The following NLRC5 variants were observed in gnomAD, a reference collection of about 807,000 sequenced individuals.
NLRC5 encodes the protein protein NLRC5.
In NLRC5, 114 loss-of-function variants were observed where a neutral mutation model predicts 206.9. That is an observed-to-expected ratio of 0.55 (90% CI 0.47 to 0.64). The LOEUF (loss-of-function observed/expected upper bound fraction) is 0.64. Among genes scored for constraint, NLRC5 ranks in the 30% least tolerant of loss-of-function variants. The pLI is 0.00. For synonymous variants in NLRC5, 952 were observed against 962.8 expected, an observed-to-expected ratio of 0.99 and a Z score of 0.21; for missense variants, 2,008 against 2,305.5, an observed-to-expected ratio of 0.87 and a Z score of 2.64.
Position 57,067,827 on chromosome 16 carries a change from C to T in NLRC5, c.4498C>T (p.Arg1500Trp), listed in dbSNP as rs772554645. The change falls in exon 36 of 49, where the codon CGG becomes TGG. Residue 1500 changes from arginine (R) to tryptophan (W), a missense_variant and splice_region_variant. Arg to Trp is a moderately radical substitution (Grantham distance 101). Coordinates refer to ENST00000688547, the MANE Select transcript of NLRC5 (RefSeq NM_001384950.1). ...GTCCCTCTCTGAGCTGAAGACATTT[C>T]GGTATGTAGACAAGACATTCACTCA... is the stretch of plus-strand genomic sequence containing the variant. ...LLSLSELKTF[R>W]LTSSCVSTEG... is the part of the protein sequence containing the mutation. 22 of 1,612,614 alleles carry T rather than the reference C, an allele frequency of 1.4e-5. No homozygotes were observed. The highest frequency in any genetic ancestry group is 1.8e-5 in the Non-Finnish European group (21 of 1,178,592).
At chr16:56,995,446 C>A (rs2057484511) in intron 1 of NLRC5, among the ~76,000 whole-genome samples, 1 of 152,238 alleles carries the variant, frequency 6.6e-6, no homozygotes, top group Non-Finnish European at 1.5e-5. Flanking sequence ...AGGCTCAATC[C>A]TCAAAGTGGA....
At chr16:57,056,820 G>C (rs2065733439) in intron 27 of NLRC5, among the ~76,000 whole-genome samples, 2 of 151,866 alleles carry the variant, frequency 1.3e-5, no homozygotes, top group Admixed American at 1.3e-4. Flanking sequence ...CACCATGCCT[G>C]GCTAATTTTG....
chr16:57,013,511 T>C, intron 1 of NLRC5: 3 of 789,926 alleles, frequency 3.8e-6, no homozygotes, highest in East Asian at 2.4e-5. Flanking sequence ...ATTGGCTGCT[T>C]GTGCTTTCAT....
intron 32 of NLRC5, among the ~76,000 whole-genome samples, chr16:57,064,485 C>T (rs1298093373): frequency 2.0e-5 from 3 of 152,210 alleles, no homozygotes; most frequent in African/African-American, 7.2e-5. Flanking sequence ...ATGTTTTCCA[C>T]ACATCTCTCT....
intron 1 of NLRC5, among the ~76,000 whole-genome samples, chr16:56,997,246 C>T (rs138413731): frequency 1.3e-5 from 2 of 152,192 alleles, no homozygotes; most frequent in African/African-American, 2.4e-5. Flanking sequence ...ATGCAGGAAA[C>T]GTGCCTGGAA....
chr16:57,017,582 C>T (rs1309451521), intron 2 of NLRC5, among the ~76,000 whole-genome samples: 3 of 152,144 alleles, frequency 2.0e-5, no homozygotes, highest in African/African-American at 7.2e-5. Context: ...TGTGGATTGA[C>T]TGGGATTGCT....
At position 57,074,495 on chromosome 16, in the gene NLRC5, T is replaced by G. The variant is rs992258954; in HGVS notation, c.4668-105T>G. On this transcript the variant is annotated intron_variant, in intron 38 of 48. Coordinates refer to ENST00000688547, the MANE Select transcript of NLRC5 (RefSeq NM_001384950.1). ...TTTACACTGTGTGGATATAAGTGGC[T>G]GTCTTGGAGGTCCCTAGGCTTGCTA... 1.9e-5 allele frequency: 17 copies of G among 898,926 alleles called. No individual in the cohort carries two copies. In the Middle Eastern group the frequency reaches 7.0e-4, roughly 37 times the overall value. 55.7% of individuals were successfully genotyped at this position (898,926 alleles called of 1,614,324 possible).
At chr16:57,075,435 G>T (rs1243372274) in intron 39 of NLRC5, among the ~76,000 whole-genome samples, 1 of 152,126 alleles carries the variant, frequency 6.6e-6, no homozygotes, top group Non-Finnish European at 1.5e-5. Flanking sequence ...GGTCAGGCTG[G>T]TCTTGAACGT....
At chr16:57,055,581 G>T in intron 27 of NLRC5, 62 bp downstream of exon 27, 7 of 1,337,446 alleles carry the variant, frequency 5.2e-6, no homozygotes, top group South Asian at 1.2e-5. Flanking sequence ...GGCACTGAAG[G>T]GGGTATGAGG....
At chr16:57,007,152 A>G (rs1172139668) in intron 1 of NLRC5, among the ~76,000 whole-genome samples, 1 of 152,162 alleles carries the variant, frequency 6.6e-6, no homozygotes, top group East Asian at 1.9e-4. Context: ...CTTTCCCAGC[A>G]GGCCCAGATC....
At position 57,082,693 on chromosome 16, in the gene NLRC5, T is replaced by A; in HGVS notation, c.*165T>A. On this transcript the variant is annotated 3_prime_UTR_variant, in exon 49 of 49. Coordinates refer to ENST00000688547, the MANE Select transcript of NLRC5 (RefSeq NM_001384950.1). Reference sequence around the variant, plus strand: ...TCCTGCTGCAGTCCTCAGGGAGAACTTTTTTGGGAACCAGGAGCTGGGTCT... The same window carrying A: ...TCCTGCTGCAGTCCTCAGGGAGAACATTTTTGGGAACCAGGAGCTGGGTCT... The A allele has an allele frequency of 1.8e-6, 1 of 568,030 alleles. No individual in the cohort carries two copies. Among genetic ancestry groups the A allele is most frequent in the Non-Finnish European group, 3.1e-6 (1 of 321,700 alleles). 35.2% of individuals were successfully genotyped at this position (568,030 alleles called of 1,614,324 possible). A position where few individuals can be genotyped will look rare whatever the true frequency, so the allele number is the denominator to read the frequency against.
Position 57,023,765 on chromosome 16 carries a change from CCCTT to C in NLRC5, c.356-15_356-12del. ...AGATCCCCAGACCCCACTCCTCCAC[CCCTT>C]CCTTTGCTTTTTCAGGCCTGAAGCG... is the stretch of plus-strand genomic sequence containing the variant. On this transcript the variant is annotated splice_polypyrimidine_tract_variant and intron_variant, in intron 4 of 48. Transcript: ENST00000688547. 1 of 1,604,942 alleles carries C rather than the reference CCCTT, an allele frequency of 6.2e-7. No homozygotes were observed. The highest frequency in any genetic ancestry group is 8.5e-7 in the Non-Finnish European group (1 of 1,174,730).
chr16:57,013,556 T>C, intron 1 of NLRC5: 1 of 1,051,706 alleles, frequency 9.5e-7, no homozygotes, highest in Non-Finnish European at 1.5e-6. Context: ...AGTCGAGAGA[T>C]GCTGCAGAAT....
Position 57,051,915 on chromosome 16 carries a change from C to T in NLRC5, c.3506+294C>T, listed in dbSNP as rs28386939. ...ACAAATGGGATTAATATTCCCCGCC[C>T]ATTCCCCCAGAGTTGGGACTCAAAT... On this transcript the variant is annotated intron_variant, in intron 24 of 48. Transcript: ENST00000688547. Among the ~76,000 whole-genome samples the T allele has an allele frequency of 8.2e-3, 1,243 of 152,236 alleles. 15 individuals are homozygous for T. Among genetic ancestry groups the T allele is most frequent in the African/African-American group, 0.029 (1,184 of 41,530 alleles).
Position 57,028,055 on chromosome 16 carries a change from G to T in NLRC5, c.2076-17G>T, listed in dbSNP as rs763795181. Reference sequence around the variant, plus strand: ...CCCAGCACTGATCCTCTGACACTTCGCTTCTTCTTATGGCAGCTTTAAGAG... The same window carrying T: ...CCCAGCACTGATCCTCTGACACTTCTCTTCTTCTTATGGCAGCTTTAAGAG... On this transcript the variant is annotated splice_polypyrimidine_tract_variant and intron_variant, in intron 6 of 48. Transcript: ENST00000688547. 1 of 1,602,956 alleles carries T rather than the reference G, an allele frequency of 6.2e-7. No individual in the cohort carries two copies. Among genetic ancestry groups the T allele is most frequent in the Non-Finnish European group, 8.5e-7 (1 of 1,171,074 alleles).
rs772353016 is a variant in NLRC5 at position 57,040,637 on chromosome 16, G to A, written c.2871-13G>A. On this transcript the variant is annotated splice_polypyrimidine_tract_variant and intron_variant, in intron 16 of 48. Coordinates refer to ENST00000688547, the MANE Select transcript of NLRC5 (RefSeq NM_001384950.1). The stretch of plus-strand genomic sequence containing the variant: ...GGCCTTTGCTCAGCCTGGCCTTGGT[G>A]ATGTCCCTCCAGGGCTGCATTTCTT... The A allele has an allele frequency of 6.2e-7, 1 of 1,613,994 alleles. No homozygotes were observed. Among genetic ancestry groups the A allele is most frequent in the South Asian group, 1.1e-5 (1 of 91,078 alleles).
chr16:57,003,441 C>A (rs1038109754), intron 1 of NLRC5, among the ~76,000 whole-genome samples: 3 of 152,060 alleles, frequency 2.0e-5, no homozygotes, highest in African/African-American at 4.8e-5. Context: ...ATTATGATGA[C>A]CCCCCATAGC....
At chr16:57,041,689 CAG>C (rs1159172757) in intron 18 of NLRC5, 115 bp downstream of exon 18, 1 of 810,954 alleles carries the variant, frequency 1.2e-6, no homozygotes, top group African/African-American at 1.7e-5. Context: ...CTGCTGAAGT[CAG>C]AAACCCCTTG....
In NLRC5 at chr16:57,034,179, G is replaced by C. The variant is rs1597275159; in HGVS notation, c.2555G>C (p.Cys852Ser). Residue 852 changes from cysteine to serine, a missense_variant, in exon 13 of 49, where the codon TGT (cysteine) becomes TCT (serine). Physicochemically the swap from Cys to Ser is moderately radical, Grantham distance 112. Transcript: ENST00000688547. ...CACTCCTACCCAAGGCTGCAGAAGTGTCAGCTCCAGGTCCACGATGCGGAG... is the reference window on the plus strand; with the variant it reads ...CACTCCTACCCAAGGCTGCAGAAGTCTCAGCTCCAGGTCCACGATGCGGAG... ...SRSLTLRLQK[C>S]QLQVHDAEAL... The C allele has an allele frequency of 6.2e-7, 1 of 1,614,054 alleles. No individual in the cohort carries two copies. The highest frequency in any genetic ancestry group is 8.5e-7 in the Non-Finnish European group (1 of 1,179,972).
Sources: gnomAD v4.1 joint callset for allele counts (sites outside exome capture counted in the v4.1 genomes callset) on GRCh38, gnomAD v4.1.1 for gene constraint, MANE v1.5 for transcripts, NCBI Gene and HGNC (gene_info 2026-07-23, HGNC 2026-07-21) for gene names.